The following ASB3 variants were observed in gnomAD, a reference collection of about 807,000 sequenced individuals.
The protein encoded by ASB3 is ankyrin repeat and SOCS box protein 3.
ASB3 carries 41 observed loss-of-function variants against 54.5 expected under a neutral mutation model. The ratio of observed to expected loss-of-function variants is 0.75; its 90% CI spans 0.59 to 0.98. The LOEUF is 0.98. Ranked by LOEUF, ASB3 falls within the 50% of genes least tolerant of loss-of-function variation. ASB3 has a pLI of 0.00. For missense variants in ASB3, 733 were observed against 620.0 expected (o/e 1.18, Z -1.94); for synonymous variants, 266 against 221.2 (o/e 1.20, Z -1.80).
At chr2:53,729,797 T>C (rs1486905241) in intron 3 of ASB3, among the ~76,000 whole-genome samples, 1 of 152,200 alleles carries the variant, frequency 6.6e-6, no homozygotes, top group African/African-American at 2.4e-5. Context: ...ACAGAGGAAC[T>C]GGAACCAAGA....
intron 7 of ASB3, among the ~76,000 whole-genome samples, chr2:53,707,289 G>A (rs1407991013): frequency 6.6e-6 from 1 of 152,188 alleles, no homozygotes; most frequent in South Asian, 2.1e-4. Context: ...CTAGACTCTT[G>A]CTACTTAGTG....
intron 3 of ASB3, among the ~76,000 whole-genome samples, chr2:53,748,748 G>T (rs1321301572): frequency 9.2e-5 from 14 of 152,056 alleles, no homozygotes; most frequent in Admixed American, 9.2e-4. Flanking sequence ...CCAAATTAAA[G>T]GAAGCCAAAG....
intron 3 of ASB3, among the ~76,000 whole-genome samples, chr2:53,734,469 T>C (rs1418716263): frequency 2.0e-5 from 3 of 152,198 alleles, no homozygotes; most frequent in African/African-American, 4.8e-5. Context: ...TTCCCACAAA[T>C]CACTCATTCA....
chr2:53,744,582 G>C (rs962402772), intron 3 of ASB3, among the ~76,000 whole-genome samples: 2 of 151,872 alleles, frequency 1.3e-5, no homozygotes, highest in African/African-American at 4.8e-5. Flanking sequence ...ATGTCCTCAA[G>C]TAAAAATGCT....
At chr2:53,730,954 T>G (rs974445273) in intron 3 of ASB3, among the ~76,000 whole-genome samples, 2 of 152,102 alleles carry the variant, frequency 1.3e-5, no homozygotes, top group Admixed American at 6.5e-5. Context: ...CATGAAACAA[T>G]GGGAATATAA....
Position 53,693,986 on chromosome 2 carries a change from T to C in ASB3, c.1267A>G (p.Ile423Val), listed in dbSNP as rs1669051598. 6.2e-7 allele frequency: 1 copy of C among 1,613,332 alleles called. No individual in the cohort carries two copies. Residue 423 changes from isoleucine (I) to valine (V), a missense_variant, in exon 9 of 10, where the codon ATC becomes GTC. Ile to Val is a conservative substitution (Grantham distance 29). Coordinates refer to ENST00000263634, the MANE Select transcript of ASB3 (RefSeq NM_016115.5). ...CAATTAGTAAACTCCAAAGTGAAGATAAGGGTGTCAATGCTGACTGAGTCA... is the reference window on the plus strand; with the variant it reads ...CAATTAGTAAACTCCAAAGTGAAGACAAGGGTGTCAATGCTGACTGAGTCA... ...WIDSVSIDTL[I>V]FTLEFTNWKT...
intron 1 of ASB3, among the ~76,000 whole-genome samples, chr2:53,770,580 T>A (rs1465170029): frequency 6.6e-6 from 1 of 150,670 alleles, no homozygotes; most frequent in Non-Finnish European, 1.5e-5. Flanking sequence ...ACATTCCAAG[T>A]CTGGACTTTC....
chr2:53,774,282 C>T, intron 1 of ASB3: 1 of 1,614,120 alleles, frequency 6.2e-7, no homozygotes, highest in Non-Finnish European at 8.5e-7. Context: ...CAAAACCATT[C>T]AGTGTATTGC....
At chr2:53,777,827 A>T (rs1223281592) in intron 1 of ASB3, among the ~76,000 whole-genome samples, 1 of 152,218 alleles carries the variant, frequency 6.6e-6, no homozygotes, top group Non-Finnish European at 1.5e-5. Flanking sequence ...GTTTTACTAA[A>T]AACAATATAA....
chr2:53,726,137 A>C (rs1670978023), intron 5 of ASB3, among the ~76,000 whole-genome samples: 1 of 152,182 alleles, frequency 6.6e-6, no homozygotes, highest in African/African-American at 2.4e-5. Flanking sequence ...AAAACAATTC[A>C]GAGAGAAGAA....
intron 2 of ASB3, among the ~76,000 whole-genome samples, chr2:53,763,112 T>C (rs1433751807): frequency 6.6e-6 from 1 of 152,204 alleles, no homozygotes; most frequent in African/African-American, 2.4e-5. Flanking sequence ...GCAGGTGTGA[T>C]GCATCACACC....
chr2:53,721,217 C>CAAT (rs1163408090), intron 5 of ASB3, among the ~76,000 whole-genome samples: 1 of 151,142 alleles, frequency 6.6e-6, no homozygotes, highest in Non-Finnish European at 1.5e-5. Flanking sequence ...AAATAGAAAT[C>CAAT]AATACCAAGA....
At chr2:53,720,278 C>T (rs58385471) in intron 5 of ASB3, among the ~76,000 whole-genome samples, 70,259 of 151,908 alleles carry the variant, frequency 0.46, 17,308 homozygotes, top group East Asian at 0.7. Flanking sequence ...ATGTATAAAA[C>T]GTATAAAACC....
intron 2 of ASB3, among the ~76,000 whole-genome samples, chr2:53,758,374 C>T (rs1192993931): frequency 2.0e-5 from 3 of 152,202 alleles, no homozygotes; most frequent in African/African-American, 7.2e-5. Flanking sequence ...CGTATTCCTA[C>T]AAGGGAAAAG....
At chr2:53,714,677 T>G in intron 6 of ASB3, 96 bp from the exon 7 acceptor site, 1 of 1,248,398 alleles carries the variant, frequency 8.0e-7, no homozygotes. Context: ...AATTACCAAC[T>G]GATTCATTTA....
At chr2:53,774,926 C>T (rs561786853) in intron 1 of ASB3, 366 of 155,384 alleles carry the variant, frequency 2.4e-3, no homozygotes, top group Middle Eastern at 0.01. Flanking sequence ...AATTCTGTAA[C>T]CATGGTTTAA....
intron 1 of ASB3, among the ~76,000 whole-genome samples, chr2:53,776,641 G>A (rs1218631444): frequency 1.3e-5 from 2 of 151,996 alleles, no homozygotes; most frequent in African/African-American, 4.8e-5. Flanking sequence ...AGCAACAGAA[G>A]AGCACCATCT....
At chr2:53,694,262 G>T (rs1015014141) in intron 8 of ASB3, 1 of 359,450 alleles carries the variant, frequency 2.8e-6, no homozygotes, top group African/African-American at 2.1e-5. Flanking sequence ...ACCTCAGAGA[G>T]AGTAGGAACT....
At chr2:53,750,518 T>G (rs1332293624) in intron 3 of ASB3, among the ~76,000 whole-genome samples, 12 of 152,094 alleles carry the variant, frequency 7.9e-5, no homozygotes, top group Admixed American at 1.3e-4. Flanking sequence ...AGAACTACAG[T>G]GAGAACAATG....
Sources: gnomAD v4.1 joint callset for allele counts (sites outside exome capture counted in the v4.1 genomes callset) on GRCh38, gnomAD v4.1.1 for gene constraint, MANE v1.5 for transcripts, NCBI Gene and HGNC (gene_info 2026-07-23, HGNC 2026-07-21) for gene names.